Variants in CSMD1 observed in about 807,000 individuals in gnomAD.
The protein encoded by CSMD1 is CUB and sushi domain-containing protein 1.
CSMD1 carries 213 observed loss-of-function variants against 417.5 expected under a neutral mutation model. The observed-to-expected ratio is 0.51, with a 90% confidence interval of 0.46 to 0.57. The LOEUF is 0.57. Among genes scored for constraint, CSMD1 ranks in the 20% least tolerant of loss-of-function variants. The pLI, the probability that CSMD1 is intolerant of heterozygous loss-of-function variation, is 0.00. For missense variants in CSMD1, 6,923 were observed against 4,529.7 expected, an observed-to-expected ratio of 1.53 and a Z score of -15.17; for synonymous variants, 2,862 against 1,736.8, an observed-to-expected ratio of 1.65 and a Z score of -16.11.
chr8:3,403,235 G>A (rs1812144684), intron 15 of CSMD1, among the ~76,000 whole-genome samples: 1 of 152,194 alleles, frequency 6.6e-6, no homozygotes, highest in Admixed American at 6.5e-5. Context: ...TGTAAGGGAT[G>A]TGAGCTTCTT....
chr8:4,267,696 A>G (rs1487307973), intron 3 of CSMD1, among the ~76,000 whole-genome samples: 1 of 152,106 alleles, frequency 6.6e-6, no homozygotes, highest in Admixed American at 6.6e-5. Context: ...TTAGTGTCTT[A>G]CATGACTTTA....
intron 5 of CSMD1, among the ~76,000 whole-genome samples, chr8:3,888,215 A>G (rs956655655): frequency 3.9e-5 from 6 of 152,212 alleles, no homozygotes; most frequent in African/African-American, 1.4e-4. Context: ...ATCAAAACCT[A>G]GACATAAAGT....
At chr8:3,540,120 TCA>T (rs1437260937) in intron 10 of CSMD1, among the ~76,000 whole-genome samples, 1 of 152,210 alleles carries the variant, frequency 6.6e-6, no homozygotes, top group African/African-American at 2.4e-5. Context: ...TTGTTTACGG[TCA>T]CAGTTTCAAT....
At chr8:3,657,588 C>A (rs993428994) in intron 7 of CSMD1, among the ~76,000 whole-genome samples, 9 of 152,054 alleles carry the variant, frequency 5.9e-5, no homozygotes, top group Non-Finnish European at 1.2e-4. Context: ...AGCAAACTAA[C>A]TCAAGAACAA....
intron 2 of CSMD1, among the ~76,000 whole-genome samples, chr8:4,632,342 G>C (rs201744163): frequency 6.6e-6 from 1 of 151,906 alleles, no homozygotes; most frequent in Non-Finnish European, 1.5e-5. Context: ...GTGAAACCCC[G>C]TCTCTACTAA....
At chr8:3,793,106 G>A (rs551556110) in intron 5 of CSMD1, among the ~76,000 whole-genome samples, 5 of 152,130 alleles carry the variant, frequency 3.3e-5, no homozygotes, top group East Asian at 1.9e-4. Flanking sequence ...AAAGTGTCTC[G>A]AGGAGGATAC....
chr8:4,754,665 C>G (rs375413191), intron 1 of CSMD1, among the ~76,000 whole-genome samples: 1 of 151,740 alleles, frequency 6.6e-6, no homozygotes, highest in South Asian at 2.1e-4. Flanking sequence ...TCCTGGCTAA[C>G]ATGGTGAAAC....
Position 3,267,749 on chromosome 8 carries a change from A to C in CSMD1, c.4153+16395T>G, listed in dbSNP as rs573593284. On this transcript the variant is annotated intron_variant, in intron 26 of 69. Transcript: ENST00000635120. ...TTACCCGGTGGGTGGGGCACACTACATGCCTCCCACAGCAGCTGATGGGAG... is the reference window on the plus strand; with the variant it reads ...TTACCCGGTGGGTGGGGCACACTACCTGCCTCCCACAGCAGCTGATGGGAG... Among the ~76,000 whole-genome samples the C allele has an allele frequency of 5.3e-5, 8 of 152,278 alleles. No individual in the cohort carries two copies. In the South Asian group the frequency reaches 1.4e-3, roughly 28 times the overall value.
intron 1 of CSMD1, among the ~76,000 whole-genome samples, chr8:4,965,630 C>T (rs1188649493): frequency 1.3e-5 from 2 of 152,174 alleles, no homozygotes; most frequent in Non-Finnish European, 2.9e-5. Flanking sequence ...AATTTCACTT[C>T]CTGTAGCTGT....
At position 4,295,339 on chromosome 8, in the gene CSMD1, A is replaced by T. The variant is rs529650319; in HGVS notation, c.415+124614T>A. Among the ~76,000 whole-genome samples the T allele has an allele frequency of 4.0e-3, 503 of 126,130 alleles. 4 individuals are homozygous for T. The highest frequency in any genetic ancestry group is 7.4e-3 in the Non-Finnish European group (404 of 54,278). The allele number at this position is 126,130 out of a possible 152,430, so 82.7% of individuals were successfully genotyped here. A position where few individuals can be genotyped will look rare whatever the true frequency, so the allele number is the denominator to read the frequency against. On this transcript the variant is annotated intron_variant, in intron 3 of 69. Coordinates refer to ENST00000635120, the MANE Select transcript of CSMD1 (RefSeq NM_033225.6). ...AAGATTATGCACATATAATCTTAAG[A>T]TTATGCACATATAACCTTAAGATTA...
intron 2 of CSMD1, among the ~76,000 whole-genome samples, chr8:4,487,352 T>G (rs986419747): frequency 1.3e-5 from 2 of 152,240 alleles, no homozygotes; most frequent in South Asian, 4.1e-4. Flanking sequence ...AGTGTGATGT[T>G]CCCCTTCCTG....
intron 5 of CSMD1, among the ~76,000 whole-genome samples, chr8:3,988,591 G>A (rs975227524): frequency 6.6e-5 from 10 of 152,188 alleles, no homozygotes; most frequent in South Asian, 4.1e-4. Flanking sequence ...GATCTCCAGT[G>A]AGTCCTGTGC....
Position 3,287,992 on chromosome 8 carries a change from A to C in CSMD1, c.3951-3646T>G, listed in dbSNP as rs6992724. ...GATACGTCCCATCAATACCTTATTT[A>C]TTGAGAGTTTTTAGCATGAAAGGTT... On this transcript the variant is annotated intron_variant, in intron 25 of 69. Coordinates refer to ENST00000635120, the MANE Select transcript of CSMD1 (RefSeq NM_033225.6). 6.2e-5 allele frequency among the ~76,000 whole-genome samples: 9 copies of C among 146,170 alleles called. 1 individual carries two copies. Among genetic ancestry groups the C allele is most frequent in the Admixed American group, 2.7e-4 (4 of 14,850 alleles).
chr8:3,761,619 C>T (rs996281632), intron 5 of CSMD1, among the ~76,000 whole-genome samples: 1 of 151,066 alleles, frequency 6.6e-6, no homozygotes, highest in Non-Finnish European at 1.5e-5. Context: ...CATTCTCCTG[C>T]CTCAGACTGC....
intron 25 of CSMD1, among the ~76,000 whole-genome samples, chr8:3,290,655 T>C (rs1454954111): frequency 6.8e-6 from 1 of 147,376 alleles, no homozygotes; most frequent in East Asian, 2.0e-4. Context: ...AGAATAGTTG[T>C]GATTTTTGCA....
At chr8:3,436,306 G>C (rs6984069) in intron 12 of CSMD1, among the ~76,000 whole-genome samples, 82,941 of 151,986 alleles carry the variant, frequency 0.55, 22,996 homozygotes, top group East Asian at 0.73. Context: ...GGTACAAAAA[G>C]GTGAGAAAGT....
chr8:4,767,884 T>C (rs933496246), intron 1 of CSMD1, among the ~76,000 whole-genome samples: 4 of 152,130 alleles, frequency 2.6e-5, no homozygotes, highest in Admixed American at 2.0e-4. Context: ...GTTTACAGTG[T>C]AGGCACATCT....
intron 49 of CSMD1, among the ~76,000 whole-genome samples, chr8:3,084,975 A>T (rs2129005170): frequency 6.6e-6 from 1 of 152,090 alleles, no homozygotes; most frequent in East Asian, 1.9e-4. Context: ...TATTTTACAC[A>T]AATTGTAAAT....
chr8:3,381,268 A>T (rs1810610820), intron 18 of CSMD1, among the ~76,000 whole-genome samples: 2 of 151,588 alleles, frequency 1.3e-5, no homozygotes, highest in South Asian at 4.4e-4. Flanking sequence ...ATCTACCCAC[A>T]TGAAAAAAAA....
Sources: gnomAD v4.1 joint callset for allele counts (sites outside exome capture counted in the v4.1 genomes callset) on GRCh38, gnomAD v4.1.1 for gene constraint, MANE v1.5 for transcripts, NCBI Gene and HGNC (gene_info 2026-07-23, HGNC 2026-07-21) for gene names.